Variants in SHANK2 observed in about 807,000 individuals in gnomAD.
SHANK2 encodes SH3 and multiple ankyrin repeat domains 2.
SHANK2 carries 43 observed loss-of-function variants against 133.7 expected under a neutral mutation model. That is an observed-to-expected ratio of 0.32 (90% confidence interval 0.25 to 0.41). The LOEUF (loss-of-function observed/expected upper bound fraction) is 0.41. Ranked by LOEUF, SHANK2 falls within the 10% of genes least tolerant of loss-of-function variation. The probability of loss-of-function intolerance (pLI) is 1.00; values close to 1 mark genes in which losing one functional copy is unlikely to be tolerated. For synonymous variants in SHANK2, 1,017 were observed against 952.8 expected, an observed-to-expected ratio of 1.07 and a Z score of -1.24; for missense variants, 1,994 against 2,235.8, an observed-to-expected ratio of 0.89 and a Z score of 2.18.
chr11:70,554,717 C>T (rs1554979101), intron 17 of SHANK2, among the ~76,000 whole-genome samples: 2 of 152,114 alleles, frequency 1.3e-5, no homozygotes, highest in South Asian at 4.2e-4. Context: ...CTATAACGCC[C>T]CGTTCCCCCA....
At chr11:70,720,707 C>T (rs976601525) in intron 14 of SHANK2, among the ~76,000 whole-genome samples, 25 of 152,224 alleles carry the variant, frequency 1.6e-4, no homozygotes, top group South Asian at 4.1e-4. Context: ...TGTGTTCTTG[C>T]GGTATACATG....
chr11:70,545,442 C>T (rs971022648), intron 17 of SHANK2, among the ~76,000 whole-genome samples: 41 of 152,294 alleles, frequency 2.7e-4, no homozygotes, highest in Admixed American at 8.5e-4. Context: ...CCCGAGCCAC[C>T]GCACGCTCTC....
Position 70,863,237 on chromosome 11 carries a change from C to G in SHANK2, c.1174+33264G>C, listed in dbSNP as rs75391674. ...GGGTTGAGTGGCCCACTGGTGTGGG[C>G]TCCATGAGGTGACACCTCTCCCCAT... On this transcript the variant is annotated intron_variant, in intron 11 of 25. Transcript: ENST00000601538. 9 of 434,180 alleles carry G rather than the reference C, an allele frequency of 2.1e-5. No homozygotes were observed. In the East Asian group the frequency reaches 6.4e-4, roughly 31 times the overall value. 26.9% of individuals were successfully genotyped at this position (434,180 alleles called of 1,614,324 possible). A position where few individuals can be genotyped will look rare whatever the true frequency, so the allele number is the denominator to read the frequency against.
chr11:70,774,050 G>A (rs1338378604), intron 14 of SHANK2, among the ~76,000 whole-genome samples: 2 of 152,120 alleles, frequency 1.3e-5, no homozygotes, highest in African/African-American at 4.8e-5. Context: ...GCCAAAAACT[G>A]GAAACAACCA....
intron 6 of SHANK2, among the ~76,000 whole-genome samples, chr11:71,099,494 T>C (rs1231959071): frequency 6.6e-6 from 1 of 152,194 alleles, no homozygotes; most frequent in Non-Finnish European, 1.5e-5. Context: ...TGTTTACAAA[T>C]GTCTCCTGGC....
intron 17 of SHANK2, among the ~76,000 whole-genome samples, chr11:70,503,557 C>T (rs540576510): frequency 1.2e-3 from 189 of 152,358 alleles, no homozygotes; most frequent in Non-Finnish European, 1.5e-3. Context: ...GTACAACTAG[C>T]TGCCCCAGTG....
At chr11:70,681,822 G>A (rs766631134) in intron 15 of SHANK2, among the ~76,000 whole-genome samples, 4 of 152,134 alleles carry the variant, frequency 2.6e-5, no homozygotes, top group Non-Finnish European at 5.9e-5. Flanking sequence ...CAGAGCTCTA[G>A]GTTTTAGCAA....
intron 14 of SHANK2, among the ~76,000 whole-genome samples, chr11:70,762,846 G>A (rs1483782577): frequency 6.6e-6 from 1 of 152,190 alleles, no homozygotes; most frequent in Non-Finnish European, 1.5e-5. Context: ...GGAGGAGGAG[G>A]GAAGCACAGA....
At chr11:70,478,966 A>T (rs2058698927) in intron 25 of SHANK2, among the ~76,000 whole-genome samples, 1 of 152,204 alleles carries the variant, frequency 6.6e-6, no homozygotes, top group East Asian at 1.9e-4. Flanking sequence ...ACCTCTTGGG[A>T]AGAGAGATTA....
chr11:71,130,759 G>A (rs1555103524), intron 3 of SHANK2, among the ~76,000 whole-genome samples: 1 of 152,120 alleles, frequency 6.6e-6, no homozygotes, highest in Non-Finnish European at 1.5e-5. Context: ...ACAAGGGGGA[G>A]GAAATGCCAG....
chr11:71,226,151 AAAG>A (rs1954639418), intron 1 of SHANK2, among the ~76,000 whole-genome samples: 1 of 152,182 alleles, frequency 6.6e-6, no homozygotes. Flanking sequence ...TGATAGAACT[AAAG>A]AATACAGTAA....
intron 11 of SHANK2, among the ~76,000 whole-genome samples, chr11:70,859,615 C>G (rs868933118): frequency 6.6e-6 from 1 of 152,048 alleles, no homozygotes; most frequent in Non-Finnish European, 1.5e-5. Context: ...GATATCATCA[C>G]CTATACAACT....
chr11:70,720,454 T>C (rs1555028738), intron 14 of SHANK2, among the ~76,000 whole-genome samples: 1 of 152,066 alleles, frequency 6.6e-6, no homozygotes, highest in Non-Finnish European at 1.5e-5. Context: ...GACTCCTTCG[T>C]TGGTGAAAAA....
At chr11:70,938,081 A>G (rs563192553) in intron 10 of SHANK2, among the ~76,000 whole-genome samples, 1 of 152,234 alleles carries the variant, frequency 6.6e-6, no homozygotes, top group Non-Finnish European at 1.5e-5. Flanking sequence ...GCTCTTCATA[A>G]TTACAGCAGG....
At chr11:70,594,009 AAAG>A (rs1216623127) in intron 17 of SHANK2, among the ~76,000 whole-genome samples, 10 of 152,240 alleles carry the variant, frequency 6.6e-5, no homozygotes, top group Admixed American at 2.0e-4. Context: ...GGGCTTGCAG[AAAG>A]AAGGGTGGAC....
chr11:70,608,979 C>A (rs983629084), intron 17 of SHANK2, among the ~76,000 whole-genome samples: 1 of 152,254 alleles, frequency 6.6e-6, no homozygotes, highest in East Asian at 1.9e-4. Context: ...GCTCGCTCCT[C>A]GCTTAGCCAT....
chr11:70,560,118 C>T (rs571848861), intron 17 of SHANK2, among the ~76,000 whole-genome samples: 4 of 152,166 alleles, frequency 2.6e-5, no homozygotes, highest in South Asian at 2.1e-4. Flanking sequence ...GTGACCTGCC[C>T]GCCTCAGACT....
intron 17 of SHANK2, among the ~76,000 whole-genome samples, chr11:70,548,277 A>G (rs1554976792): frequency 1.3e-5 from 2 of 152,232 alleles, no homozygotes; most frequent in Non-Finnish European, 2.9e-5. Flanking sequence ...CTTTCTGAAA[A>G]GAGCCTCTGA....
intron 3 of SHANK2, among the ~76,000 whole-genome samples, chr11:71,127,538 T>C (rs782302123): frequency 1.3e-5 from 2 of 152,176 alleles, no homozygotes; most frequent in Non-Finnish European, 2.9e-5. Context: ...CTCTGATCAG[T>C]TGGCAGCCAT....
Sources: gnomAD v4.1 joint callset for allele counts (sites outside exome capture counted in the v4.1 genomes callset) on GRCh38, gnomAD v4.1.1 for gene constraint, MANE v1.5 for transcripts, NCBI Gene and HGNC (gene_info 2026-07-23, HGNC 2026-07-21) for gene names.